PPP1R9A: variants seen among roughly 807,000 people sequenced by gnomAD.
The protein encoded by PPP1R9A is protein phosphatase 1 regulatory subunit 9A, also known as neurabin-1.
A neutral mutation model predicts 141.9 loss-of-function variants in PPP1R9A; 59 were observed. The observed-to-expected ratio is 0.42, with a 90% CI of 0.34 to 0.52. The LOEUF (loss-of-function observed/expected upper bound fraction) is 0.52, where lower values mean the gene tolerates loss of function less well. Among genes scored for constraint, PPP1R9A ranks in the 20% least tolerant of loss-of-function variants. The pLI is 0.10. For synonymous variants in PPP1R9A, 500 were observed against 569.7 expected (o/e 0.88, Z 1.74); for missense variants, 1,444 against 1,611.9 (o/e 0.90, Z 1.78).
intron 5 of PPP1R9A, among the ~76,000 whole-genome samples, chr7:95,193,177 T>G (rs1384212936): frequency 1.3e-5 from 2 of 152,128 alleles, no homozygotes; most frequent in African/African-American, 4.8e-5. Context: ...ATTCTATTAT[T>G]GCAAATCTGT....
At chr7:95,142,375 G>GT (rs573649107) in intron 4 of PPP1R9A, among the ~76,000 whole-genome samples, 2 of 151,612 alleles carry the variant, frequency 1.3e-5, no homozygotes, top group South Asian at 2.1e-4. Context: ...AATTCATCTA[G>GT]TTTTTTTTGT....
chr7:95,274,083 A>G lies in PPP1R9A; in HGVS notation c.3213-2A>G, dbSNP rs764501019. 2 of 1,568,254 alleles carry G rather than the reference A, an allele frequency of 1.3e-6. No homozygotes were observed. Among genetic ancestry groups the G allele is most frequent in the South Asian group, 1.1e-5 (1 of 88,004 alleles). ...CTTTCTGACTGCTTACTATCATTAC[A>G]GGGCGCCTTTGCGAAGGAATTCCAG... On this transcript the variant is annotated splice_acceptor_variant, in intron 15 of 19. Coordinates refer to ENST00000433360, the MANE Select transcript of PPP1R9A (RefSeq NM_001166160.2). LOFTEE classifies it high-confidence loss of function.
In PPP1R9A at chr7:94,956,749, G is replaced by A. The variant is rs540022920; in HGVS notation, c.1395+45241G>A. On this transcript the variant is annotated intron_variant, in intron 2 of 19. Transcript: ENST00000433360. The stretch of plus-strand genomic sequence containing the variant: ...GGTATGTAGAGATGGTCAGCTCCCC[G>A]AAGGCAAATCTTATTATTATTTTTA... Among the ~76,000 whole-genome samples, 6 of 152,104 alleles carry A rather than the reference G, an allele frequency of 3.9e-5. No homozygotes were observed. In the East Asian group the frequency reaches 5.8e-4, roughly 15 times the overall value.
At chr7:95,003,922 A>G (rs568375163) in intron 2 of PPP1R9A, among the ~76,000 whole-genome samples, 37 of 152,304 alleles carry the variant, frequency 2.4e-4, no homozygotes, top group Non-Finnish European at 4.9e-4. Flanking sequence ...ACCCATCTGT[A>G]CTTATTCTAA....
intron 2 of PPP1R9A, among the ~76,000 whole-genome samples, chr7:94,924,673 C>T (rs1793245387): frequency 6.6e-6 from 1 of 152,112 alleles, no homozygotes; most frequent in African/African-American, 2.4e-5. Flanking sequence ...GAATTACAGG[C>T]ACGCACCACC....
chr7:95,033,208 T>G (rs1285477720), intron 2 of PPP1R9A, among the ~76,000 whole-genome samples: 21 of 141,564 alleles, frequency 1.5e-4, no homozygotes, highest in Middle Eastern at 3.8e-3. Context: ...TAGAGACGGG[T>G]TTTCACCGTG....
intron 2 of PPP1R9A, among the ~76,000 whole-genome samples, chr7:95,108,067 A>G (rs1448933803): frequency 6.6e-6 from 1 of 151,974 alleles, no homozygotes; most frequent in Non-Finnish European, 1.5e-5. Context: ...GAGTTTTAAA[A>G]GTTACATCGC....
chr7:95,207,913 C>A (rs193177618), intron 7 of PPP1R9A, among the ~76,000 whole-genome samples: 3 of 152,068 alleles, frequency 2.0e-5, no homozygotes, highest in African/African-American at 7.2e-5. Flanking sequence ...TAGAGAAAAA[C>A]AAAATTGTAT....
chr7:95,020,502 T>A (rs943377677), intron 2 of PPP1R9A, among the ~76,000 whole-genome samples: 50 of 152,236 alleles, frequency 3.3e-4, no homozygotes, highest in African/African-American at 1.1e-3. Flanking sequence ...AGGGTACATG[T>A]GCAGCACGTG....
chr7:95,274,910 G>A (rs1454788068), intron 16 of PPP1R9A, among the ~76,000 whole-genome samples: 1 of 152,146 alleles, frequency 6.6e-6, no homozygotes, highest in Non-Finnish European at 1.5e-5. Context: ...TAAAATGAGA[G>A]TAATAACAGT....
chr7:95,224,462 T>C (rs998673925), intron 7 of PPP1R9A, among the ~76,000 whole-genome samples: 1 of 152,136 alleles, frequency 6.6e-6, no homozygotes, highest in Non-Finnish European at 1.5e-5. Context: ...TCATGGTTGA[T>C]GACCTTCAAA....
intron 2 of PPP1R9A, among the ~76,000 whole-genome samples, chr7:94,917,937 CT>C (rs1437331158): frequency 6.6e-6 from 1 of 152,160 alleles, no homozygotes; most frequent in African/African-American, 2.4e-5. Flanking sequence ...AACACTTTCT[CT>C]ACCACTTGAA....
chr7:95,139,958 C>T (rs184649399), intron 4 of PPP1R9A, among the ~76,000 whole-genome samples: 213 of 152,132 alleles, frequency 1.4e-3, no homozygotes, highest in African/African-American at 4.4e-3. Context: ...TAAAGCAAAT[C>T]TCTAATACTA....
intron 4 of PPP1R9A, among the ~76,000 whole-genome samples, chr7:95,145,177 A>G (rs1469621967): frequency 1.3e-5 from 2 of 152,216 alleles, no homozygotes; most frequent in Non-Finnish European, 2.9e-5. Context: ...TAAATATGTA[A>G]TAAACATTTC....
At chr7:95,172,183 A>G (rs1444032724) in intron 5 of PPP1R9A, among the ~76,000 whole-genome samples, 1 of 151,714 alleles carries the variant, frequency 6.6e-6, no homozygotes, top group Non-Finnish European at 1.5e-5. Context: ...TTCTCTTGGT[A>G]TTAAGAACAA....
chr7:95,277,697 G>A (rs1235080445), intron 16 of PPP1R9A, among the ~76,000 whole-genome samples: 2 of 152,186 alleles, frequency 1.3e-5, no homozygotes, highest in East Asian at 1.9e-4. Context: ...AAAGTGCTGG[G>A]ATTATAGGCA....
intron 2 of PPP1R9A, among the ~76,000 whole-genome samples, chr7:94,964,209 A>G (rs1797957920): frequency 1.3e-5 from 2 of 152,168 alleles, no homozygotes; most frequent in African/African-American, 2.4e-5. Context: ...ACATTTGGGT[A>G]GTTTCCTCAT....
chr7:95,090,503 A>G (rs1043581133), intron 2 of PPP1R9A, among the ~76,000 whole-genome samples: 3 of 151,968 alleles, frequency 2.0e-5, no homozygotes, highest in Non-Finnish European at 4.4e-5. Context: ...ATAATCCAGA[A>G]AACTATAAAG....
intron 7 of PPP1R9A, among the ~76,000 whole-genome samples, chr7:95,208,224 G>A (rs537420590): frequency 6.6e-6 from 1 of 152,260 alleles, no homozygotes; most frequent in South Asian, 2.1e-4. Context: ...TAGATATACA[G>A]AAACCTGATT....
Sources: gnomAD v4.1 joint callset for allele counts (sites outside exome capture counted in the v4.1 genomes callset) on GRCh38, gnomAD v4.1.1 for gene constraint, MANE v1.5 for transcripts, NCBI Gene and HGNC (gene_info 2026-07-23, HGNC 2026-07-21) for gene names.